Variants in SPATA17 observed in about 807,000 individuals in gnomAD.
The protein encoded by SPATA17 is spermatogenesis associated 17, also known as spermatogenesis-associated protein 17.
Under a neutral mutation model 62.2 loss-of-function variants are expected in SPATA17, and 53 were observed. The observed-to-expected ratio is 0.85, with a 90% confidence interval of 0.68 to 1.07. The LOEUF (loss-of-function observed/expected upper bound fraction) is 1.07, where lower values mean the gene tolerates loss of function less well. Among genes scored for constraint, SPATA17 ranks in the 50% least tolerant of loss-of-function variants. The probability of loss-of-function intolerance (pLI) is 0.00; values close to 1 mark genes in which losing one functional copy is unlikely to be tolerated. For missense variants in SPATA17, 466 were observed against 425.5 expected (o/e 1.10, Z -0.84); for synonymous variants, 146 against 146.8 (o/e 0.99, Z 0.04).
chr1:217,714,952 T>C (rs185743363), intron 5 of SPATA17, among the ~76,000 whole-genome samples: 241 of 152,264 alleles, frequency 1.6e-3, no homozygotes, highest in African/African-American at 5.0e-3. Flanking sequence ...TAGCTTAATA[T>C]GGTAATAAGT....
chr1:217,718,935 G>A (rs1672065252), intron 5 of SPATA17, among the ~76,000 whole-genome samples: 1 of 152,156 alleles, frequency 6.6e-6, no homozygotes, highest in Admixed American at 6.5e-5. Context: ...CTAGAAAACT[G>A]TCTAGACCAG....
intron 4 of SPATA17, among the ~76,000 whole-genome samples, chr1:217,670,480 G>T (rs1224468954): frequency 6.6e-6 from 1 of 152,180 alleles, no homozygotes; most frequent in Non-Finnish European, 1.5e-5. Context: ...ACATATGTAA[G>T]AAATTCACGT....
Position 217,631,369 on chromosome 1 carries a change from C to T in SPATA17, c.-10C>T. 2 of 1,614,062 alleles carry T rather than the reference C, an allele frequency of 1.2e-6. No homozygotes were observed. Among genetic ancestry groups the T allele is most frequent in the Non-Finnish European group, 1.7e-6 (2 of 1,179,980 alleles). Reference sequence around the variant, plus strand: ...AGTAACACCAGTTGTAAACCCAAGGCCAAGAGACCATGGCCACGTTAGCCC... The same window carrying T: ...AGTAACACCAGTTGTAAACCCAAGGTCAAGAGACCATGGCCACGTTAGCCC... On this transcript the variant is annotated 5_prime_UTR_variant, in exon 1 of 11. Transcript: ENST00000366933.
At chr1:217,710,779 C>T (rs1671840976) in intron 5 of SPATA17, among the ~76,000 whole-genome samples, 1 of 151,784 alleles carries the variant, frequency 6.6e-6, no homozygotes, top group Non-Finnish European at 1.5e-5. Context: ...CAATTTAAAA[C>T]ACTTTTATTA....
At chr1:217,725,174 C>A (rs984621626) in intron 5 of SPATA17, among the ~76,000 whole-genome samples, 1 of 151,930 alleles carries the variant, frequency 6.6e-6, no homozygotes, top group Non-Finnish European at 1.5e-5. Context: ...TTTTAATGAC[C>A]AACAAGTTAT....
At chr1:217,671,502 C>T (rs1199819885) in intron 4 of SPATA17, among the ~76,000 whole-genome samples, 1 of 152,190 alleles carries the variant, frequency 6.6e-6, no homozygotes, top group African/African-American at 2.4e-5. Flanking sequence ...CTGCAGATTG[C>T]AGTAGTCACC....
At chr1:217,739,150 A>G (rs1379912102) in intron 5 of SPATA17, among the ~76,000 whole-genome samples, 2 of 152,122 alleles carry the variant, frequency 1.3e-5, no homozygotes, top group Admixed American at 1.3e-4. Context: ...TTTTAAAACT[A>G]TATCAGAAAA....
chr1:217,697,560 C>G (rs1671487600), intron 5 of SPATA17, among the ~76,000 whole-genome samples: 1 of 151,808 alleles, frequency 6.6e-6, no homozygotes, highest in South Asian at 2.1e-4. Flanking sequence ...CTCTTTGTGA[C>G]CTAATATATG....
At chr1:217,846,016 T>C (rs1348466202) in intron 9 of SPATA17, among the ~76,000 whole-genome samples, 1 of 152,154 alleles carries the variant, frequency 6.6e-6, no homozygotes, top group Non-Finnish European at 1.5e-5. Context: ...AACTAGCCTC[T>C]ATGATAGAAA....
At chr1:217,681,518 C>T (rs1232321475) in intron 4 of SPATA17, among the ~76,000 whole-genome samples, 2 of 151,864 alleles carry the variant, frequency 1.3e-5, no homozygotes, top group African/African-American at 2.4e-5. Context: ...GGACTACAGG[C>T]GCACACCACC....
intron 7 of SPATA17, among the ~76,000 whole-genome samples, chr1:217,778,683 A>G (rs1673656608): frequency 6.6e-6 from 1 of 152,178 alleles, no homozygotes; most frequent in Non-Finnish European, 1.5e-5. Flanking sequence ...TCTGAGCTGG[A>G]AACACCATGA....
chr1:217,823,851 T>C (rs1674926531), intron 9 of SPATA17, among the ~76,000 whole-genome samples: 1 of 152,036 alleles, frequency 6.6e-6, no homozygotes, highest in Admixed American at 6.6e-5. Context: ...AACCCCTTTA[T>C]CATTACATGA....
Position 217,770,978 on chromosome 1 carries a change from A to AATTTTTTTTTTTTTTTTTTTTTTTTT in SPATA17, c.520-3356_520-3355insATTTTTTTTTTTTTTTTTTTTTTTTT, listed in dbSNP as rs1553251071. ...ATGTATCTATTATATAACTCATTGC[A>AATTTTTTTTTTTTTTTTTTTTTTTTT]TTTTTTTTTTTTTTTTTTTTTTTTT... On this transcript the variant is annotated intron_variant, in intron 6 of 10. Coordinates refer to ENST00000366933, the MANE Select transcript of SPATA17 (RefSeq NM_138796.4). Among the ~76,000 whole-genome samples, 20 of 50,166 alleles carry AATTTTTTTTTTTTTTTTTTTTTTTTT rather than the reference A, an allele frequency of 4.0e-4. 2 individuals carry two copies. The highest frequency in any genetic ancestry group is 5.3e-4 in the Non-Finnish European group (16 of 30,434). The allele number at this position is 50,166 out of a possible 152,430, so 32.9% of individuals were successfully genotyped here. A position where few individuals can be genotyped will look rare whatever the true frequency, so the allele number is the denominator to read the frequency against.
At chr1:217,705,994 A>T (rs1023855991) in intron 5 of SPATA17, among the ~76,000 whole-genome samples, 1 of 152,072 alleles carries the variant, frequency 6.6e-6, no homozygotes, top group Non-Finnish European at 1.5e-5. Flanking sequence ...TCCTTTCCCC[A>T]TTGCTTCTTT....
intron 8 of SPATA17, among the ~76,000 whole-genome samples, chr1:217,801,105 T>G (rs1028943852): frequency 6.6e-6 from 1 of 152,216 alleles, no homozygotes; most frequent in Non-Finnish European, 1.5e-5. Context: ...AGCCTCCATG[T>G]TAAATACCTT....
intron 9 of SPATA17, chr1:217,850,630 G>A: frequency 6.3e-7 from 1 of 1,590,316 alleles, no homozygotes. Context: ...ACGAAGATCT[G>A]CATTTTGACC....
At chr1:217,749,981 CTCTCTATA>C (rs1239446505) in intron 6 of SPATA17, among the ~76,000 whole-genome samples, 430 of 26,978 alleles carry the variant, frequency 0.016, 5 homozygotes, top group Non-Finnish European at 0.022. Flanking sequence ...CTCTCTCTCT[CTCTCTATA>C]TATATATATA....
chr1:217,779,906 G>A (rs1460331163), intron 7 of SPATA17, among the ~76,000 whole-genome samples: 1 of 151,960 alleles, frequency 6.6e-6, no homozygotes, highest in Non-Finnish European at 1.5e-5. Flanking sequence ...AAATACAGCA[G>A]AACATAAATA....
intron 5 of SPATA17, among the ~76,000 whole-genome samples, chr1:217,741,124 G>C (rs1456948232): frequency 6.6e-6 from 1 of 152,060 alleles, no homozygotes; most frequent in Admixed American, 6.6e-5. Flanking sequence ...TACAGAACTA[G>C]ACACTAAGTT....
Sources: allele counts gnomAD v4.1 joint callset (sites outside exome capture counted in the v4.1 genomes callset), GRCh38; gene constraint gnomAD v4.1.1; transcripts MANE v1.5; gene names NCBI Gene and HGNC (gene_info 2026-07-23, HGNC 2026-07-21).